AP3B2: variants seen among roughly 807,000 people sequenced by gnomAD.
AP3B2 encodes the protein adaptor related protein complex 3 subunit beta 2, also known as AP-3 complex subunit beta-2.
In AP3B2, 50 loss-of-function variants were observed where a neutral mutation model predicts 126.9. The observed-to-expected ratio is 0.39, with a 90% CI of 0.31 to 0.50. The LOEUF (loss-of-function observed/expected upper bound fraction) is 0.50, where lower values mean the gene tolerates loss of function less well. AP3B2 is among the 20% of genes least tolerant of loss of function. AP3B2 has a pLI of 0.79. For synonymous variants in AP3B2, 541 were observed against 565.0 expected, an observed-to-expected ratio of 0.96 and a Z score of 0.60; for missense variants, 1,177 against 1,426.4, an observed-to-expected ratio of 0.83 and a Z score of 2.82.
intron 14 of AP3B2, among the ~76,000 whole-genome samples, chr15:82,667,844 C>T (rs2048085664): frequency 6.6e-6 from 1 of 152,314 alleles, no homozygotes; most frequent in South Asian, 2.1e-4. Context: ...GCTGGAGCTG[C>T]ACCCCATCTG....
In AP3B2 at chr15:82,677,867, G is replaced by A; in HGVS notation, c.1246-64C>T. On this transcript the variant is annotated intron_variant, in intron 11 of 26. Transcript: ENST00000535359. Reference sequence around the variant, plus strand: ...AGGCTTGAGGGTGACCTTCAAGAAGGCTGTGGCCTTTCATTTTATGGCTTA... The same window carrying A: ...AGGCTTGAGGGTGACCTTCAAGAAGACTGTGGCCTTTCATTTTATGGCTTA... The A allele has an allele frequency of 4.6e-6, 7 of 1,518,966 alleles. No individual in the cohort carries two copies. In the South Asian group the frequency reaches 9.2e-5, roughly 20 times the overall value. 94.1% of individuals were successfully genotyped at this position (1,518,966 alleles called of 1,614,324 possible). A position where few individuals can be genotyped will look rare whatever the true frequency, so the allele number is the denominator to read the frequency against.
At chr15:82,689,971 CA>C (rs1176346465) in intron 1 of AP3B2, 3 of 154,034 alleles carry the variant, frequency 1.9e-5, no homozygotes, top group African/African-American at 7.2e-5. Context: ...TAAAAAAACA[CA>C]AAAAACAAAA....
intron 1 of AP3B2, among the ~76,000 whole-genome samples, chr15:82,690,897 C>T (rs991040509): frequency 1.8e-5 from 2 of 109,858 alleles, no homozygotes; most frequent in Admixed American, 1.7e-4. Flanking sequence ...ACCTCGTGAT[C>T]TACCCGTCTT....
chr15:82,683,207 C>T (rs549691791), intron 4 of AP3B2, among the ~76,000 whole-genome samples: 10 of 143,374 alleles, frequency 7.0e-5, no homozygotes, highest in East Asian at 4.1e-4. Flanking sequence ...TACAGGTGCC[C>T]GCCACCATGC....
chr15:82,664,235 G>T lies in AP3B2; in HGVS notation c.2261+132C>A. 6.9e-7 allele frequency: 1 copy of T among 1,442,746 alleles called. No homozygotes were observed. Among genetic ancestry groups the T allele is most frequent in the Non-Finnish European group, 9.4e-7 (1 of 1,065,698 alleles). The allele number at this position is 1,442,746 out of a possible 1,614,324, so 89.4% of individuals were successfully genotyped here. On this transcript the variant is annotated intron_variant, in intron 19 of 26. Coordinates refer to ENST00000535359, the MANE Select transcript of AP3B2 (RefSeq NM_001278512.2). The surrounding 1 kb of genome is among the most constrained non-coding windows in gnomAD (Gnocchi z 4.5). ...TGCAGCCAGCGAAAGTAGGCGTCAT[G>T]TGAGCTGACAGCCCCACCCAGCTCA...
At chr15:82,672,216 AACAG>A (rs2083960784) in intron 14 of AP3B2, among the ~76,000 whole-genome samples, 1 of 152,350 alleles carries the variant, frequency 6.6e-6, no homozygotes. Context: ...AGTGTCTATC[AACAG>A]ACAAATAGAT....
At position 82,664,155 on chromosome 15, in the gene AP3B2, G is replaced by T. The variant is rs547891739; in HGVS notation, c.2262-180C>A. Among the ~76,000 whole-genome samples the T allele has an allele frequency of 2.6e-5, 4 of 152,286 alleles. No homozygotes were observed. The highest frequency in any genetic ancestry group is 7.2e-5 in the African/African-American group (3 of 41,558). ...TTGAAGCCAGCTTGTGCCAGCTCAG[G>T]CTCTAGGACTCTGGTTGCTTCTCCA... On this transcript the variant is annotated intron_variant, in intron 19 of 26. Coordinates refer to ENST00000535359, the MANE Select transcript of AP3B2 (RefSeq NM_001278512.2). The surrounding 1 kb of genome is among the most constrained non-coding windows in gnomAD (Gnocchi z 4.5).
In AP3B2 at chr15:82,664,944, C is replaced by T; in HGVS notation, c.2029-1G>A. The T allele has an allele frequency of 6.2e-7, 1 of 1,600,738 alleles. No homozygotes were observed. Among genetic ancestry groups the T allele is most frequent in the Non-Finnish European group, 8.5e-7 (1 of 1,171,966 alleles). ...TTGAGCACTTGGTCCATTCAGGTACCTGGAGATGGGGGTAGGGTGCAGGGT... is the reference window on the plus strand; with the variant it reads ...TTGAGCACTTGGTCCATTCAGGTACTTGGAGATGGGGGTAGGGTGCAGGGT... On this transcript the variant is annotated splice_acceptor_variant, in intron 17 of 26. Coordinates refer to ENST00000535359, the MANE Select transcript of AP3B2 (RefSeq NM_001278512.2). LOFTEE classifies it high-confidence loss of function. This position sits in a 1 kb window ranked among gnomAD's most constrained non-coding sequence, Gnocchi z 4.5.
In AP3B2 at chr15:82,666,934, C is replaced by A; in HGVS notation, c.1666-1G>T. ...GCACATACTGGGTCAGCAGCTTGGTCTGGAGGAACAGGAAGAGGTGGGTCA... is the reference window on the plus strand; with the variant it reads ...GCACATACTGGGTCAGCAGCTTGGTATGGAGGAACAGGAAGAGGTGGGTCA... On this transcript the variant is annotated splice_acceptor_variant, in intron 14 of 26. Transcript: ENST00000535359. LOFTEE classifies it high-confidence loss of function. 6.2e-7 allele frequency: 1 copy of A among 1,606,964 alleles called. No homozygotes were observed. Among genetic ancestry groups the A allele is most frequent in the South Asian group, 1.1e-5 (1 of 90,658 alleles).
intron 15 of AP3B2, among the ~76,000 whole-genome samples, chr15:82,666,274 G>C (rs2048056391): frequency 6.6e-6 from 1 of 152,258 alleles, no homozygotes; most frequent in South Asian, 2.1e-4. Flanking sequence ...CCCAGGAACA[G>C]AGGCAAGGCT....
chr15:82,671,271 C>G (rs964992034), intron 14 of AP3B2, among the ~76,000 whole-genome samples: 3 of 151,740 alleles, frequency 2.0e-5, no homozygotes, highest in African/African-American at 7.3e-5. Flanking sequence ...GGTGACAGAG[C>G]AAGACTCCGT....
intron 1 of AP3B2, among the ~76,000 whole-genome samples, chr15:82,703,806 A>C (rs539535724): frequency 6.6e-6 from 1 of 151,890 alleles, no homozygotes; most frequent in African/African-American, 2.4e-5. Flanking sequence ...TCCCAACCCC[A>C]AGCGTCGCTG....
Position 82,664,294 on chromosome 15 carries a change from A to C in AP3B2, c.2261+73T>G. 1 of 1,607,294 alleles carries C rather than the reference A, an allele frequency of 6.2e-7. No homozygotes were observed. The highest frequency in any genetic ancestry group is 8.5e-7 in the Non-Finnish European group (1 of 1,178,618). On this transcript the variant is annotated intron_variant, in intron 19 of 26. Transcript: ENST00000535359. The surrounding 1 kb of genome is among the most constrained non-coding windows in gnomAD (Gnocchi z 4.5). ...TCAGGGGCTCTTAGGAGACTGGCTAAAGCTCAATGCTAGCCCTCTTTCCAG... is the reference window on the plus strand; with the variant it reads ...TCAGGGGCTCTTAGGAGACTGGCTACAGCTCAATGCTAGCCCTCTTTCCAG...
At chr15:82,683,063 T>TTG (rs2048371207) in intron 4 of AP3B2, among the ~76,000 whole-genome samples, 1 of 137,956 alleles carries the variant, frequency 7.2e-6, no homozygotes, top group Non-Finnish European at 1.6e-5. Context: ...TTTTTTTTTT[T>TTG]TTTTTTTTTT....
Position 82,659,451 on chromosome 15 carries a change from C to A in AP3B2, c.*109G>T. ...GGAGAGAGGACACCCTGAATGCTAT[C>A]TGGCATGAGGAGGATGATGAGAGAG... On this transcript the variant is annotated 3_prime_UTR_variant, in exon 27 of 27. Transcript: ENST00000535359. 2 of 1,439,206 alleles carry A rather than the reference C, an allele frequency of 1.4e-6. No individual in the cohort carries two copies. Among genetic ancestry groups the A allele is most frequent in the Non-Finnish European group, 9.5e-7 (1 of 1,052,064 alleles). The allele number at this position is 1,439,206 out of a possible 1,614,324, so 89.2% of individuals were successfully genotyped here.
intron 14 of AP3B2, among the ~76,000 whole-genome samples, chr15:82,670,922 A>G (rs1308389257): frequency 2.6e-5 from 4 of 152,256 alleles, no homozygotes; most frequent in Admixed American, 6.5e-5. Context: ...AAGAAGACAT[A>G]CAGATAGCAA....
chr15:82,709,323 G>A (rs1039995101), intron 1 of AP3B2, among the ~76,000 whole-genome samples: 1 of 152,146 alleles, frequency 6.6e-6, no homozygotes, highest in African/African-American at 2.4e-5. Context: ...CCTGGAACCG[G>A]AGGGTTTCTC....
intron 3 of AP3B2, 101 bp from the exon 4 acceptor site, chr15:82,688,932 G>A (rs1358019143): frequency 1.7e-6 from 2 of 1,192,100 alleles, no homozygotes; most frequent in Non-Finnish European, 2.4e-6. Flanking sequence ...TGCGGTCCAT[G>A]GGGACAAACT....
At chr15:82,677,960 C>T (rs1282817656) in intron 11 of AP3B2, 145 bp downstream of exon 11, 2 of 1,347,484 alleles carry the variant, frequency 1.5e-6, no homozygotes, top group Non-Finnish European at 2.0e-6. Flanking sequence ...ATTCCTTGGC[C>T]CAAAGCCAGC....
Sources: gnomAD v4.1 joint callset for allele counts (sites outside exome capture counted in the v4.1 genomes callset) on GRCh38, gnomAD v4.1.1 for gene constraint, Gnocchi (gnomAD v3.1) non-coding constraint, MANE v1.5 for transcripts, NCBI Gene and HGNC (gene_info 2026-07-23, HGNC 2026-07-21) for gene names.